LMAN1: variants seen among roughly 807,000 people sequenced by gnomAD.
LMAN1 encodes the protein protein ERGIC-53.
Under a neutral mutation model 67.8 loss-of-function variants are expected in LMAN1, and 32 were observed. That is an observed-to-expected ratio of 0.47 (90% CI 0.36 to 0.63). LMAN1 has a LOEUF of 0.63. LMAN1 is among the 30% of genes least tolerant of loss of function. The pLI is 0.00. For synonymous variants in LMAN1, 235 were observed against 219.3 expected, an observed-to-expected ratio of 1.07 and a Z score of -0.63; for missense variants, 632 against 628.2, an observed-to-expected ratio of 1.01 and a Z score of -0.06.
At chr18:59,347,294 C>A (rs1045536543) in intron 7 of LMAN1, among the ~76,000 whole-genome samples, 1 of 135,032 alleles carries the variant, frequency 7.4e-6, no homozygotes, top group African/African-American at 2.8e-5. Flanking sequence ...GCACTCCAGC[C>A]TGGGAGACAG....
At chr18:59,344,788 A>G (rs926594168) in intron 8 of LMAN1, among the ~76,000 whole-genome samples, 12 of 152,314 alleles carry the variant, frequency 7.9e-5, no homozygotes, top group African/African-American at 2.9e-4. Flanking sequence ...TACTCTTCCT[A>G]AATACATAAA....
chr18:59,347,651 T>A, intron 6 of LMAN1, 80 bp from the exon 7 acceptor site: 1 of 1,045,058 alleles, frequency 9.6e-7, no homozygotes, highest in Non-Finnish European at 1.4e-6. Context: ...TTATCAATAT[T>A]TATTGTTTTA....
Position 59,328,722 on chromosome 18 carries a change from T to C in LMAN1, c.*2371A>G, listed in dbSNP as rs1199604571. The C allele has an allele frequency of 5.9e-5, 9 of 152,150 alleles. No homozygotes were observed. Among genetic ancestry groups the C allele is most frequent in the Non-Finnish European group, 1.2e-4 (8 of 68,016 alleles). 9.4% of individuals were successfully genotyped at this position (152,150 alleles called of 1,614,324 possible). On this transcript the variant is annotated 3_prime_UTR_variant, in exon 13 of 13. Coordinates refer to ENST00000251047, the MANE Select transcript of LMAN1 (RefSeq NM_005570.4). ...CAGGCGCCATGACCCAGATGGTCCA[T>C]GGATCATACTTTGAGAAACACTGAT...
In LMAN1 at chr18:59,355,677, GA is replaced by G; in HGVS notation, c.215-20del. On this transcript the variant is annotated intron_variant, in intron 1 of 12. Coordinates refer to ENST00000251047, the MANE Select transcript of LMAN1 (RefSeq NM_005570.4). ...ATAGCATCTAGAACAGAAATCAGGG[GA>G]AAAAAGCTTTAAGTTATAATTAGGT... is the stretch of plus-strand genomic sequence containing the variant. 1.2e-6 allele frequency: 2 copies of G among 1,611,392 alleles called. No individual in the cohort carries two copies. The highest frequency in any genetic ancestry group is 1.7e-6 in the Non-Finnish European group (2 of 1,179,550).
chr18:59,345,842 A>T (rs1908388006), intron 8 of LMAN1, 77 bp downstream of exon 8: 2 of 1,545,430 alleles, frequency 1.3e-6, no homozygotes, highest in Non-Finnish European at 1.8e-6. Flanking sequence ...GAGCTAGGCA[A>T]CACAGAGACT....
At position 59,359,051 on chromosome 18, in the gene LMAN1, GGCACGGTCCCGTCGCTCT is replaced by G. The variant is rs1177483003; in HGVS notation, c.176_193del (p.Gln59_Val64del). The G allele has an allele frequency of 6.2e-7, 1 of 1,613,916 alleles. No homozygotes were observed. Among genetic ancestry groups the G allele is most frequent in the Non-Finnish European group, 8.5e-7 (1 of 1,179,992 alleles). On this transcript the variant is annotated inframe_deletion, in exon 1 of 13. Transcript: ENST00000251047. ...CTTACTCCCCGCGTGGGCCCAGAAGGGCACGGTCCCGTCGCTCTGCACCAGGTGCGGCCCCTTGAAGCT... is the reference window on the plus strand; with the variant it reads ...CTTACTCCCCGCGTGGGCCCAGAAGGGCACCAGGTGCGGCCCCTTGAAGCT...
chr18:59,338,612 G>T lies in LMAN1; in HGVS notation c.1165C>A (p.Leu389Met). Reference protein sequence around the residue: ...GQHGQITQQELDTVVKTQHEI... With the variant: ...GQHGQITQQEMDTVVKTQHEI... ...TGCTGAGTTTTCACAACAGTATCCA[G>T]TTCTTGTTGAGTAATCTGGAGGAAG... The change falls in exon 10 of 13, where the codon CTG becomes ATG. Residue 389 changes from leucine to methionine, a missense_variant. By Grantham distance (15) the Leu-to-Met change is conservative. Coordinates refer to ENST00000251047, the MANE Select transcript of LMAN1 (RefSeq NM_005570.4). The T allele has an allele frequency of 1.9e-6, 3 of 1,613,764 alleles. No homozygotes were observed. The highest frequency in any genetic ancestry group is 2.5e-6 in the Non-Finnish European group (3 of 1,179,720).
At position 59,330,638 on chromosome 18, in the gene LMAN1, G is replaced by A. The variant is rs1424753638; in HGVS notation, c.*455C>T. On this transcript the variant is annotated 3_prime_UTR_variant, in exon 13 of 13. Transcript: ENST00000251047. ...TAAGATGAAAGGACTGCAGGCCCAG[G>A]CCTTTGATTAGGAAGTCTGACCTCT... is the stretch of plus-strand genomic sequence containing the variant. 6.4e-6 allele frequency: 1 copy of A among 155,988 alleles called. No homozygotes were observed. 9.7% of individuals were successfully genotyped at this position (155,988 alleles called of 1,614,324 possible). A position where few individuals can be genotyped will look rare whatever the true frequency, so the allele number is the denominator to read the frequency against.
At chr18:59,357,257 T>C (rs549810641) in intron 1 of LMAN1, among the ~76,000 whole-genome samples, 9 of 152,340 alleles carry the variant, frequency 5.9e-5, no homozygotes, top group Admixed American at 5.9e-4. Flanking sequence ...ATCTTGACAT[T>C]TCTGCAGCAG....
chr18:59,344,616 G>A (rs955337319), intron 8 of LMAN1, among the ~76,000 whole-genome samples: 2 of 151,572 alleles, frequency 1.3e-5, no homozygotes, highest in Non-Finnish European at 2.9e-5. Flanking sequence ...GGGTACACAT[G>A]GACAAATGGA....
chr18:59,340,003 C>T (rs953701732), intron 8 of LMAN1, among the ~76,000 whole-genome samples: 3 of 152,130 alleles, frequency 2.0e-5, no homozygotes, highest in African/African-American at 7.2e-5. Flanking sequence ...TAGGACAATA[C>T]CCACTGCCCT....
intron 10 of LMAN1, 96 bp downstream of exon 10, chr18:59,338,461 G>T: frequency 1.1e-6 from 1 of 901,198 alleles, no homozygotes; most frequent in Non-Finnish European, 1.8e-6. Flanking sequence ...TTACCCTCAT[G>T]CAGAAATCTT....
chr18:59,358,909 C>T, intron 1 of LMAN1, 122 bp downstream of exon 1: 1 of 1,000,000 alleles, frequency 1.0e-6, no homozygotes, highest in Non-Finnish European at 1.5e-6. Context: ...CCCTCCACAG[C>T]GCATATGGTG....
In LMAN1 at chr18:59,355,550, AC is replaced by A; in HGVS notation, c.322del (p.Val108Ter). ...ACCTCTTCCAGTCACTCGAAATGTCACCTCAACTTCCCAGTTCTCAAAGGCC... is the reference window on the plus strand; with the variant it reads ...ACCTCTTCCAGTCACTCGAAATGTCACTCAACTTCCCAGTTCTCAAAGGCC... ...KAAFENWEVE[V>X]TFRVTGRGRI... On this transcript the variant is annotated frameshift_variant, in exon 2 of 13. Transcript: ENST00000251047. LOFTEE classifies it high-confidence loss of function. 3 of 1,614,084 alleles carry A rather than the reference AC, an allele frequency of 1.9e-6. No homozygotes were observed. Among genetic ancestry groups the A allele is most frequent in the Non-Finnish European group, 2.5e-6 (3 of 1,179,950 alleles).
chr18:59,350,174 A>C (rs1275840201), intron 5 of LMAN1, among the ~76,000 whole-genome samples: 1 of 152,252 alleles, frequency 6.6e-6, no homozygotes, highest in Non-Finnish European at 1.5e-5. Flanking sequence ...TGTAGAATGG[A>C]AACATGTGAA....
intron 10 of LMAN1, among the ~76,000 whole-genome samples, chr18:59,334,941 T>C (rs1480352567): frequency 6.6e-6 from 1 of 152,184 alleles, no homozygotes; most frequent in Admixed American, 6.5e-5. Flanking sequence ...GCATGACATT[T>C]ATTCTCAGTA....
At chr18:59,338,999 G>T in intron 8 of LMAN1, 46 bp from the exon 9 acceptor site, 2 of 1,552,844 alleles carry the variant, frequency 1.3e-6, no homozygotes, top group Non-Finnish European at 1.8e-6. Context: ...CTACACATAT[G>T]TAGTTTTTGA....
rs560662273 is a variant in LMAN1 at position 59,335,160 on chromosome 18, G to A, written c.1221-1916C>T. 4.5e-4 allele frequency among the ~76,000 whole-genome samples: 68 copies of A among 152,264 alleles called. No individual in the cohort carries two copies. In the South Asian group the frequency reaches 0.013, roughly 29 times the overall value. On this transcript the variant is annotated intron_variant, in intron 10 of 12. Coordinates refer to ENST00000251047, the MANE Select transcript of LMAN1 (RefSeq NM_005570.4). ...GGACTTCAGAAAATATGGGCTGGGTGCAGTGGCTAACACCTGTAATCCCAG... is the reference window on the plus strand; with the variant it reads ...GGACTTCAGAAAATATGGGCTGGGTACAGTGGCTAACACCTGTAATCCCAG...
intron 11 of LMAN1, chr18:59,331,778 G>A: frequency 6.1e-6 from 3 of 488,446 alleles, no homozygotes. Context: ...CCTGGCTCCT[G>A]TCTGCATTAC....
Sources: gnomAD v4.1 joint callset for allele counts (sites outside exome capture counted in the v4.1 genomes callset) on GRCh38, gnomAD v4.1.1 for gene constraint, MANE v1.5 for transcripts, NCBI Gene and HGNC (gene_info 2026-07-23, HGNC 2026-07-21) for gene names.